CFAP299: variants seen among roughly 807,000 people sequenced by gnomAD.
CFAP299 encodes the protein cilia- and flagella-associated protein 299.
A neutral mutation model predicts 27.0 loss-of-function variants in CFAP299; 21 were observed. The observed-to-expected ratio is 0.78, with a 90% confidence interval of 0.55 to 1.12. The LOEUF is 1.12. Ranked by LOEUF, CFAP299 falls within the 50% of genes most tolerant of loss-of-function variation. The pLI, the probability that CFAP299 is intolerant of heterozygous loss-of-function variation, is 0.00. For synonymous variants in CFAP299, 104 were observed against 98.1 expected, an observed-to-expected ratio of 1.06 and a Z score of -0.36; for missense variants, 310 against 276.6, an observed-to-expected ratio of 1.12 and a Z score of -0.86.
intron 2 of CFAP299, among the ~76,000 whole-genome samples, chr4:80,463,908 A>G (rs1169660625): frequency 6.6e-6 from 1 of 152,150 alleles, no homozygotes; most frequent in African/African-American, 2.4e-5. Context: ...CAAACGTTCA[A>G]GCTCTGCCAA....
intron 4 of CFAP299, among the ~76,000 whole-genome samples, chr4:80,900,194 C>T (rs891406732): frequency 2.7e-5 from 4 of 145,940 alleles, no homozygotes; most frequent in African/African-American, 7.7e-5. Flanking sequence ...TAGTCTATAA[C>T]GGAAATGTGA....
intron 2 of CFAP299, among the ~76,000 whole-genome samples, chr4:80,528,405 T>G (rs1733297994): frequency 6.6e-6 from 1 of 152,270 alleles, no homozygotes; most frequent in South Asian, 2.1e-4. Context: ...CTCTGTCTAC[T>G]TTCTTAGTGT....
At chr4:80,789,471 T>A (rs975938906) in intron 3 of CFAP299, among the ~76,000 whole-genome samples, 2 of 152,066 alleles carry the variant, frequency 1.3e-5, no homozygotes, top group Non-Finnish European at 2.9e-5. Context: ...TTAATACTGA[T>A]ACAAAGTTAC....
At chr4:80,445,174 G>A (rs1728560750) in intron 2 of CFAP299, among the ~76,000 whole-genome samples, 1 of 152,174 alleles carries the variant, frequency 6.6e-6, no homozygotes, top group African/African-American at 2.4e-5. Flanking sequence ...CCATTACTGG[G>A]TGTATACCCA....
At chr4:80,509,250 C>A (rs901084322) in intron 2 of CFAP299, among the ~76,000 whole-genome samples, 1 of 152,094 alleles carries the variant, frequency 6.6e-6, no homozygotes, top group African/African-American at 2.4e-5. Context: ...AATAGCATGG[C>A]AGTCTTTTAT....
At chr4:80,579,890 G>A (rs1736080203) in intron 2 of CFAP299, among the ~76,000 whole-genome samples, 2 of 152,032 alleles carry the variant, frequency 1.3e-5, no homozygotes, top group South Asian at 4.1e-4. Context: ...TTGTGCTGTG[G>A]GATCAGGGCT....
intron 3 of CFAP299, among the ~76,000 whole-genome samples, chr4:80,790,768 C>T (rs1315201737): frequency 6.6e-6 from 1 of 152,004 alleles, no homozygotes; most frequent in Non-Finnish European, 1.5e-5. Flanking sequence ...ATACAAACCA[C>T]AATCAGCAGG....
intron 2 of CFAP299, among the ~76,000 whole-genome samples, chr4:80,438,239 G>A (rs552100352): frequency 3.3e-5 from 5 of 152,254 alleles, no homozygotes; most frequent in South Asian, 4.1e-4. Context: ...GAATAAAAAC[G>A]TGAAGGAAGT....
chr4:80,837,768 T>G (rs1028259675), intron 3 of CFAP299, among the ~76,000 whole-genome samples: 1 of 151,910 alleles, frequency 6.6e-6, no homozygotes, highest in African/African-American at 2.4e-5. Context: ...ATCTTTATAG[T>G]AGAATGGGTA....
In CFAP299 at chr4:80,772,813, G is replaced by A. The variant is rs190301917; in HGVS notation, c.334-97180G>A. Among the ~76,000 whole-genome samples, 69 of 152,106 alleles carry A rather than the reference G, an allele frequency of 4.5e-4. 1 individual carries two copies. Among genetic ancestry groups the A allele is most frequent in the African/African-American group, 1.5e-3 (62 of 41,478 alleles). ...TCACTTATGAGTGAGAACATGCAGC[G>A]TTTGGGAACCAAAAATACCATTTGA... On this transcript the variant is annotated intron_variant, in intron 3 of 5. Transcript: ENST00000358105.
intron 3 of CFAP299, among the ~76,000 whole-genome samples, chr4:80,640,873 G>C (rs1425071246): frequency 6.6e-6 from 1 of 152,086 alleles, no homozygotes; most frequent in Non-Finnish European, 1.5e-5. Flanking sequence ...CAATTACTTT[G>C]CTCTACAAAA....
intron 4 of CFAP299, among the ~76,000 whole-genome samples, chr4:80,886,564 G>T (rs1578212699): frequency 6.6e-6 from 1 of 152,224 alleles, no homozygotes; most frequent in East Asian, 1.9e-4. Flanking sequence ...TTGGGCTTGG[G>T]GCCCAAGTCC....
chr4:80,554,108 T>C (rs569576690), intron 2 of CFAP299, among the ~76,000 whole-genome samples: 1 of 152,170 alleles, frequency 6.6e-6, no homozygotes, highest in Admixed American at 6.6e-5. Flanking sequence ...TGTCTTCCAG[T>C]GTTTTTATAA....
At chr4:80,955,790 T>C (rs937074063) in intron 5 of CFAP299, among the ~76,000 whole-genome samples, 1 of 152,078 alleles carries the variant, frequency 6.6e-6, no homozygotes, top group East Asian at 1.9e-4. Context: ...TCACCTGATG[T>C]CAAGAGTTAG....
intron 2 of CFAP299, among the ~76,000 whole-genome samples, chr4:80,412,858 C>A (rs144612462): frequency 1.3e-5 from 2 of 152,218 alleles, no homozygotes; most frequent in East Asian, 3.9e-4. Flanking sequence ...AATTATCTTC[C>A]TTAATGGGTA....
At chr4:80,618,321 A>G (rs1182164068) in intron 3 of CFAP299, among the ~76,000 whole-genome samples, 1 of 152,126 alleles carries the variant, frequency 6.6e-6, no homozygotes, top group African/African-American at 2.4e-5. Context: ...CAATGTGTAA[A>G]AATTTTCTCT....
chr4:80,465,580 C>A (rs977945327), intron 2 of CFAP299, among the ~76,000 whole-genome samples: 1 of 152,156 alleles, frequency 6.6e-6, no homozygotes, highest in Non-Finnish European at 1.5e-5. Flanking sequence ...CCATCTTGTG[C>A]ACATTCTAAA....
chr4:80,727,712 AATT>A lies in CFAP299; in HGVS notation c.334-142271_334-142269del, dbSNP rs903865005. Among the ~76,000 whole-genome samples, 10 of 152,164 alleles carry A rather than the reference AATT, an allele frequency of 6.6e-5. No homozygotes were observed. In the South Asian group the frequency reaches 1.4e-3, roughly 22 times the overall value. ...TCTATTAACTTTTGTTTTCATAGCTAATTATTATTATTGTTATTATTATTAAGG... is the reference window on the plus strand; with the variant it reads ...TCTATTAACTTTTGTTTTCATAGCTAATTATTATTGTTATTATTATTAAGG... On this transcript the variant is annotated intron_variant, in intron 3 of 5. Transcript: ENST00000358105.
At chr4:80,875,454 G>A (rs1483287080) in intron 4 of CFAP299, among the ~76,000 whole-genome samples, 1 of 152,072 alleles carries the variant, frequency 6.6e-6, no homozygotes, top group African/African-American at 2.4e-5. Flanking sequence ...AAGGTCAAGA[G>A]TTCGAGACCA....
Sources: allele counts gnomAD v4.1 joint callset (sites outside exome capture counted in the v4.1 genomes callset), GRCh38; gene constraint gnomAD v4.1.1; transcripts MANE v1.5; gene names NCBI Gene and HGNC (gene_info 2026-07-23, HGNC 2026-07-21).